Variants in ERG observed in about 807,000 individuals in gnomAD.
The protein encoded by ERG is ETS transcription factor ERG.
ERG carries 9 observed loss-of-function variants against 55.3 expected under a neutral mutation model. That is an observed-to-expected ratio of 0.16 (90% CI 0.10 to 0.28). The LOEUF is 0.28. Ranked by LOEUF, ERG falls within the 10% of genes least tolerant of loss-of-function variation. The pLI, the probability that ERG is intolerant of heterozygous loss-of-function variation, is 1.00. For missense variants in ERG, 434 were observed against 631.6 expected, an observed-to-expected ratio of 0.69 and a Z score of 3.35; for synonymous variants, 223 against 237.3, an observed-to-expected ratio of 0.94 and a Z score of 0.55.
At chr21:38,371,433 T>A in the ERG span, among the ~76,000 whole-genome samples, 1 of 152,042 alleles carries the variant, frequency 6.6e-6, no homozygotes, top group Non-Finnish European at 1.5e-5. Flanking sequence ...TGTTGAATAG[T>A]AAGCATCTTT....
chr21:38,388,888 C>A (rs1327927698), intron 9 of ERG, among the ~76,000 whole-genome samples: 2 of 152,224 alleles, frequency 1.3e-5, no homozygotes, highest in African/African-American at 4.8e-5. Flanking sequence ...AAAGCTGGCA[C>A]TTTGCTTAGG....
chr21:38,638,659 T>G (rs1005345264), intron 1 of ERG, among the ~76,000 whole-genome samples: 35 of 150,490 alleles, frequency 2.3e-4, no homozygotes, highest in Admixed American at 6.0e-4. Context: ...ATGGGGGGAG[T>G]CAGTAAAGGG....
At chr21:38,543,555 A>G (rs767395020) in intron 2 of ERG, among the ~76,000 whole-genome samples, 2 of 152,126 alleles carry the variant, frequency 1.3e-5, no homozygotes, top group African/African-American at 2.4e-5. Context: ...TTGAGCATCC[A>G]CTATGGGCTG....
chr21:38,382,550 G>C lies in ERG; in HGVS notation c.*853C>G. On this transcript the variant is annotated 3_prime_UTR_variant, in exon 10 of 10. Transcript: ENST00000288319. Reference sequence around the variant, plus strand: ...CGCTGTGTCCTTTCTCCTAACACTGGGTTTGGTATAACACTGACTGCATGA... The same window carrying C: ...CGCTGTGTCCTTTCTCCTAACACTGCGTTTGGTATAACACTGACTGCATGA... 9.4e-7 allele frequency: 1 copy of C among 1,065,746 alleles called. No individual in the cohort carries two copies. Among genetic ancestry groups the C allele is most frequent in the Non-Finnish European group, 1.1e-6 (1 of 879,312 alleles). 66.0% of individuals were successfully genotyped at this position (1,065,746 alleles called of 1,614,324 possible). A position where few individuals can be genotyped will look rare whatever the true frequency, so the allele number is the denominator to read the frequency against.
At chr21:38,376,360 T>TA (rs1307580691), downstream of ERG, among the ~76,000 whole-genome samples, 2 of 152,188 alleles carry the variant, frequency 1.3e-5, no homozygotes, top group Non-Finnish European at 2.9e-5. Context: ...ACTCAGTTGT[T>TA]ACTCTCGCTC....
At chr21:38,480,408 G>T (rs2059226448) in intron 1 of ERG, among the ~76,000 whole-genome samples, 1 of 151,850 alleles carries the variant, frequency 6.6e-6, no homozygotes, top group East Asian at 1.9e-4. Context: ...CCTCCAGAAG[G>T]GACCAACCCA....
chr21:38,534,727 T>A (rs745313203), intron 2 of ERG, among the ~76,000 whole-genome samples: 88 of 152,232 alleles, frequency 5.8e-4, no homozygotes, highest in South Asian at 3.5e-3. Context: ...GGGTATATAT[T>A]CAAAAAAATT....
intron 1 of ERG, among the ~76,000 whole-genome samples, chr21:38,654,201 G>A (rs1258789385): frequency 6.6e-6 from 1 of 152,210 alleles, no homozygotes; most frequent in African/African-American, 2.4e-5. Flanking sequence ...TTACTGGCTG[G>A]GCGCAGTGGC....
At chr21:38,548,990 G>A in intron 2 of ERG, among the ~76,000 whole-genome samples, 1 of 151,576 alleles carries the variant, frequency 6.6e-6, no homozygotes, top group Non-Finnish European at 1.5e-5. Context: ...GTGGGCGCCT[G>A]TAGTCCCAGC....
chr21:38,418,692 C>T (rs1989394040), intron 3 of ERG, among the ~76,000 whole-genome samples: 2 of 151,672 alleles, frequency 1.3e-5, no homozygotes, highest in African/African-American at 2.4e-5. Context: ...TTTGGGAGGC[C>T]GAGGTGGGCG....
In ERG at chr21:38,521,247, C is replaced by T. The variant is rs560737466; in HGVS notation, c.-41+54415G>A. ...AAGCAACATTCAGCATCTCAAAGTG[C>T]GGCTACTACACACGGAGCCAAGCCC... On this transcript the variant is annotated intron_variant, in intron 2 of 8. Transcript: ENST00000398897. 6.6e-5 allele frequency among the ~76,000 whole-genome samples: 10 copies of T among 152,234 alleles called. No homozygotes were observed. The East Asian group carries it at 1.7e-3, about 26-fold the overall frequency.
intron 1 of ERG, among the ~76,000 whole-genome samples, chr21:38,608,060 T>C (rs182261612): frequency 2.6e-5 from 4 of 152,278 alleles, no homozygotes; most frequent in African/African-American, 9.6e-5. Flanking sequence ...ACAAAATAAG[T>C]TGACAGTAAC....
At chr21:38,557,751 A>G (rs1042627021) in intron 2 of ERG, among the ~76,000 whole-genome samples, 3 of 152,100 alleles carry the variant, frequency 2.0e-5, no homozygotes, top group Admixed American at 6.5e-5. Flanking sequence ...ATTTCCCTGG[A>G]TTTCTCAAAA....
Position 38,383,421 on chromosome 21 carries a change from A to G in ERG, c.1422T>C (p.His474=), listed in dbSNP as rs1250389798. The G allele has an allele frequency of 1.3e-6, 2 of 1,510,182 alleles. No homozygotes were observed. The allele number at this position is 1,510,182 out of a possible 1,614,324, so 93.5% of individuals were successfully genotyped here. Residue 474 remains histidine (H), a synonymous_variant, in exon 10 of 10, where the codon CAT becomes CAC. Coordinates refer to ENST00000288319, the MANE Select transcript of ERG (RefSeq NM_182918.4). This position sits in a 1 kb window ranked among gnomAD's most constrained non-coding sequence, Gnocchi z 5.7. ...TRLPTSHMPS[H]LGTYY is the part of the protein sequence containing the mutation. ...CAGGTCTTTAGTAGTAAGTGCCCAG[A>G]TGAGAAGGCATATGGCTGGTGGGGA...
chr21:38,425,600 C>T (rs775152745), intron 2 of ERG, among the ~76,000 whole-genome samples: 7 of 152,172 alleles, frequency 4.6e-5, no homozygotes, highest in Non-Finnish European at 1.0e-4. Flanking sequence ...GCCTCTCAGG[C>T]TCTATCCAAT....
intron 2 of ERG, among the ~76,000 whole-genome samples, chr21:38,529,538 G>A (rs890346157): frequency 1.3e-5 from 2 of 152,220 alleles, no homozygotes; most frequent in Non-Finnish European, 2.9e-5. Flanking sequence ...GCTAGGGAAG[G>A]AGTAGCCTTG....
chr21:38,430,042 T>A (rs1207663676), intron 2 of ERG, among the ~76,000 whole-genome samples: 1 of 152,290 alleles, frequency 6.6e-6, no homozygotes, highest in East Asian at 1.9e-4. Flanking sequence ...ATTGGCAGTG[T>A]AAAAGTGTTC....
intron 1 of ERG, among the ~76,000 whole-genome samples, chr21:38,475,445 G>T (rs1601459969): frequency 6.6e-6 from 1 of 152,176 alleles, no homozygotes; most frequent in East Asian, 1.9e-4. Flanking sequence ...CCTTCCTTAG[G>T]GTAGGGCTGT....
chr21:38,515,855 A>C (rs1601171043), intron 2 of ERG, among the ~76,000 whole-genome samples: 1 of 152,072 alleles, frequency 6.6e-6, no homozygotes, highest in Admixed American at 6.5e-5. Flanking sequence ...AATATGATAC[A>C]TCACATCAAT....
Sources: gnomAD v4.1 joint callset for allele counts (sites outside exome capture counted in the v4.1 genomes callset) on GRCh38, gnomAD v4.1.1 for gene constraint, Gnocchi (gnomAD v3.1) non-coding constraint, MANE v1.5 for transcripts, NCBI Gene and HGNC (gene_info 2026-07-23, HGNC 2026-07-21) for gene names.